Variants in ST6GAL2 observed in about 807,000 individuals in gnomAD.
ST6GAL2 encodes the protein beta-galactoside alpha-2,6-sialyltransferase 2.
In ST6GAL2, 24 loss-of-function variants were observed where a neutral mutation model predicts 37.5. The observed-to-expected ratio is 0.64, with a 90% confidence interval of 0.46 to 0.90. The LOEUF (loss-of-function observed/expected upper bound fraction) is 0.90. Ranked by LOEUF, ST6GAL2 falls within the 40% of genes least tolerant of loss-of-function variation. The probability of loss-of-function intolerance (pLI) is 0.00; values close to 1 mark genes in which losing one functional copy is unlikely to be tolerated. For missense variants in ST6GAL2, 715 were observed against 712.7 expected (o/e 1.00, Z -0.04); for synonymous variants, 306 against 295.1 (o/e 1.04, Z -0.38).
chr2:106,852,723 G>A (rs997397027), intron 1 of ST6GAL2, among the ~76,000 whole-genome samples: 2 of 152,206 alleles, frequency 1.3e-5, no homozygotes, highest in African/African-American at 2.4e-5. Flanking sequence ...GCCTGGCAGA[G>A]GTGTCTGGGT....
At position 106,864,061 on chromosome 2, in the gene ST6GAL2, G is replaced by T. The variant is rs137887816; in HGVS notation, c.-57-20027C>A. On this transcript the variant is annotated intron_variant, in intron 1 of 5. Coordinates refer to ENST00000409382, the MANE Select transcript of ST6GAL2 (RefSeq NM_001142351.2). ...ATGTCCCTAGGACTGCACTAGAAGG[G>T]ATCCAGGGAGTAAAAGCCAGAGGAG... Among the ~76,000 whole-genome samples, 123 of 152,308 alleles carry T rather than the reference G, an allele frequency of 8.1e-4. No individual in the cohort carries two copies. In the Middle Eastern group the frequency reaches 0.014, roughly 17 times the overall value.
intron 5 of ST6GAL2, among the ~76,000 whole-genome samples, chr2:106,827,946 ACT>A (rs1362648528): frequency 6.6e-6 from 1 of 152,104 alleles, no homozygotes; most frequent in Non-Finnish European, 1.5e-5. Context: ...GGGAATTCAA[ACT>A]CAACCCACCC....
intron 5 of ST6GAL2, chr2:106,812,957 G>T: frequency 1.0e-6 from 1 of 970,662 alleles, no homozygotes; most frequent in Non-Finnish European, 1.3e-6. Context: ...TATCACTAAT[G>T]AAAGTTTTAC....
At chr2:106,880,499 C>A (rs1459215266) in intron 1 of ST6GAL2, among the ~76,000 whole-genome samples, 1 of 152,200 alleles carries the variant, frequency 6.6e-6, no homozygotes, top group Non-Finnish European at 1.5e-5. Context: ...ACCAAAGGGA[C>A]CAAGGGAGTA....
At chr2:106,845,225 C>T (rs1200697045) in intron 1 of ST6GAL2, among the ~76,000 whole-genome samples, 1 of 152,142 alleles carries the variant, frequency 6.6e-6, no homozygotes, top group Admixed American at 6.5e-5. Flanking sequence ...TTGGGGAAAA[C>T]ATAATTGGAA....
intron 1 of ST6GAL2, chr2:106,885,737 C>T (rs1678955163): frequency 6.6e-6 from 1 of 152,144 alleles, no homozygotes; most frequent in Admixed American, 6.5e-5. Flanking sequence ...ACATTATAGC[C>T]ACAGAGAACC....
intron 1 of ST6GAL2, among the ~76,000 whole-genome samples, chr2:106,859,031 G>A (rs1677696178): frequency 6.6e-6 from 1 of 152,216 alleles, no homozygotes; most frequent in African/African-American, 2.4e-5. Context: ...AGGAGACCAG[G>A]CTGGCTGCCA....
intron 1 of ST6GAL2, among the ~76,000 whole-genome samples, chr2:106,877,334 A>G (rs1267839626): frequency 6.6e-6 from 1 of 152,226 alleles, no homozygotes; most frequent in Admixed American, 6.5e-5. Flanking sequence ...CATGGAGCTG[A>G]CAATGTCACA....
At chr2:106,829,252 A>T (rs1558687420) in intron 5 of ST6GAL2, among the ~76,000 whole-genome samples, 1 of 152,136 alleles carries the variant, frequency 6.6e-6, no homozygotes, top group Non-Finnish European at 1.5e-5. Context: ...CCCTGCAGTA[A>T]CTCTGGCCAA....
rs73949759 is a variant in ST6GAL2, at chr2:106,806,605, C to T, written c.*73G>A. Reference sequence around the variant, plus strand: ...CAAAACTACACTGTCTAAAATCTATCTTCAAGTATTCTTTTGTGACTTTGA... The same window carrying T: ...CAAAACTACACTGTCTAAAATCTATTTTCAAGTATTCTTTTGTGACTTTGA... On this transcript the variant is annotated 3_prime_UTR_variant, in exon 6 of 6. Coordinates refer to ENST00000409382, the MANE Select transcript of ST6GAL2 (RefSeq NM_001142351.2). 543 of 1,512,014 alleles carry T rather than the reference C, an allele frequency of 3.6e-4. 3 individuals carry two copies. In the African/African-American group the frequency reaches 6.7e-3, roughly 19 times the overall value. 93.7% of individuals were successfully genotyped at this position (1,512,014 alleles called of 1,614,324 possible).
At position 106,848,919 on chromosome 2, in the gene ST6GAL2, C is replaced by T. The variant is rs1156849181; in HGVS notation, c.-57-4885G>A. Among the ~76,000 whole-genome samples, 3 of 152,146 alleles carry T rather than the reference C, an allele frequency of 2.0e-5. No homozygotes were observed. The East Asian group carries it at 5.8e-4, about 29-fold the overall frequency. On this transcript the variant is annotated intron_variant, in intron 1 of 5. Transcript: ENST00000409382. ...ACCCTCTCAGATCACTGCACCTCCT[C>T]ATGGAATAATAAAGTATTCTTGCTT...
chr2:106,873,450 C>T (rs759565115), intron 1 of ST6GAL2, among the ~76,000 whole-genome samples: 1 of 152,196 alleles, frequency 6.6e-6, no homozygotes, highest in Non-Finnish European at 1.5e-5. Context: ...TGAGCCCATT[C>T]GTTCTGGAAC....
chr2:106,879,794 TTATA>T (rs1424571165), intron 1 of ST6GAL2, among the ~76,000 whole-genome samples: 1 of 147,722 alleles, frequency 6.8e-6, no homozygotes, highest in Non-Finnish European at 1.5e-5. Flanking sequence ...TATAGATCAA[TTATA>T]TAGACAAATT....
chr2:106,880,781 T>C lies in ST6GAL2; in HGVS notation c.-58+5312A>G, dbSNP rs114816821. Among the ~76,000 whole-genome samples, 505 of 152,314 alleles carry C rather than the reference T, an allele frequency of 3.3e-3. 6 individuals carry two copies. The highest frequency in any genetic ancestry group is 0.012 in the African/African-American group (484 of 41,570). ...GGCTAGGCTCTTGTCCTGACTTTGT[T>C]AGTCAATAGCCATGAATCCCAACAA... On this transcript the variant is annotated intron_variant, in intron 1 of 5. Transcript: ENST00000409382.
intron 1 of ST6GAL2, among the ~76,000 whole-genome samples, chr2:106,856,453 G>A (rs931051328): frequency 6.6e-6 from 1 of 152,208 alleles, no homozygotes; most frequent in Non-Finnish European, 1.5e-5. Flanking sequence ...GTGTGGAAGG[G>A]AAAAGGGAGG....
intron 2 of ST6GAL2, among the ~76,000 whole-genome samples, chr2:106,838,524 C>A (rs1404610672): frequency 6.6e-6 from 1 of 152,182 alleles, no homozygotes; most frequent in Non-Finnish European, 1.5e-5. Flanking sequence ...CTTGCACCCT[C>A]AAGTCCAGGC....
At chr2:106,822,880 A>T (rs1676057045) in intron 5 of ST6GAL2, 1 of 152,186 alleles carries the variant, frequency 6.6e-6, no homozygotes. Flanking sequence ...GTTTAATTTC[A>T]TATTAAAATG....
chr2:106,877,663 G>T (rs936484208), intron 1 of ST6GAL2, among the ~76,000 whole-genome samples: 7 of 152,188 alleles, frequency 4.6e-5, no homozygotes, highest in African/African-American at 1.7e-4. Context: ...TATTTGGTTG[G>T]CACCTACACA....
intron 1 of ST6GAL2, among the ~76,000 whole-genome samples, chr2:106,882,992 G>C (rs1678814975): frequency 6.6e-6 from 1 of 152,158 alleles, no homozygotes; most frequent in Non-Finnish European, 1.5e-5. Flanking sequence ...TCAGGAACCT[G>C]CAGGTGGCAA....
Sources: allele counts gnomAD v4.1 joint callset (sites outside exome capture counted in the v4.1 genomes callset), GRCh38; gene constraint gnomAD v4.1.1; transcripts MANE v1.5; gene names NCBI Gene and HGNC (gene_info 2026-07-23, HGNC 2026-07-21).